ADAR: variants seen among roughly 807,000 people sequenced by gnomAD.
ADAR encodes adenosine deaminase RNA specific.
ADAR carries 41 observed loss-of-function variants against 113.2 expected under a neutral mutation model. The observed-to-expected ratio is 0.36, with a 90% CI of 0.28 to 0.47. ADAR has a LOEUF of 0.47. Ranked by LOEUF, ADAR falls within the 20% of genes least tolerant of loss-of-function variation. The pLI, the probability that ADAR is intolerant of heterozygous loss-of-function variation, is 1.00. For missense variants in ADAR, 1,242 were observed against 1,540.9 expected, an observed-to-expected ratio of 0.81 and a Z score of 3.25; for synonymous variants, 605 against 572.6, an observed-to-expected ratio of 1.06 and a Z score of -0.81.
chr1:154,590,501 T>C, intron 6 of ADAR, 92 bp from the exon 7 acceptor site: 2 of 1,219,464 alleles, frequency 1.6e-6, no homozygotes, highest in South Asian at 1.2e-5. Flanking sequence ...TGGCCAGTCT[T>C]GCAAACATAT....
At chr1:154,590,466 G>A in intron 6 of ADAR, 57 bp from the exon 7 acceptor site, 2 of 1,558,640 alleles carry the variant, frequency 1.3e-6, no homozygotes, top group Non-Finnish European at 1.8e-6. Flanking sequence ...ATTGTTCCAA[G>A]GAAGGGTTAG....
At chr1:154,614,959 C>T (rs1469602141) in intron 1 of ADAR, among the ~76,000 whole-genome samples, 3 of 152,204 alleles carry the variant, frequency 2.0e-5, no homozygotes, top group Non-Finnish European at 4.4e-5. Flanking sequence ...CACCTACACA[C>T]ACAGAGGAAA....
At chr1:154,605,487 A>T (rs1181761869) in intron 1 of ADAR, among the ~76,000 whole-genome samples, 2 of 150,582 alleles carry the variant, frequency 1.3e-5, no homozygotes, top group African/African-American at 4.9e-5. Flanking sequence ...AAAGGTAATT[A>T]ACATTAGGTG....
At chr1:154,594,979 T>C (rs1571082525) in intron 6 of ADAR, among the ~76,000 whole-genome samples, 1 of 152,222 alleles carries the variant, frequency 6.6e-6, no homozygotes, top group Non-Finnish European at 1.5e-5. Flanking sequence ...CAGTGTTTTG[T>C]TCAATGATAA....
chr1:154,613,960 G>C (rs1426869711), intron 1 of ADAR, among the ~76,000 whole-genome samples: 1 of 149,336 alleles, frequency 6.7e-6, no homozygotes, highest in Non-Finnish European at 1.5e-5. Flanking sequence ...AAGAAAAAGA[G>C]GTCTCCAAAA....
chr1:154,615,179 G>A (rs1273662494), intron 1 of ADAR, among the ~76,000 whole-genome samples: 1 of 152,196 alleles, frequency 6.6e-6, no homozygotes, highest in Non-Finnish European at 1.5e-5. Flanking sequence ...AGCACTGTCA[G>A]ATAATAAATT....
chr1:154,598,051 G>GAATAAA, intron 3 of ADAR, 75 bp from the exon 4 acceptor site: 1 of 1,521,388 alleles, frequency 6.6e-7, no homozygotes. Flanking sequence ...GAAGGGATGG[G>GAATAAA]GATGGGGGAC....
At chr1:154,589,329 C>T in intron 9 of ADAR, 40 bp downstream of exon 9, 1 of 1,555,944 alleles carries the variant, frequency 6.4e-7, no homozygotes, top group Non-Finnish European at 8.9e-7. Flanking sequence ...TGGAGCTCTC[C>T]ACAGCCGGGC....
chr1:154,599,441 A>G (rs1697718973), intron 2 of ADAR, among the ~76,000 whole-genome samples: 1 of 152,242 alleles, frequency 6.6e-6, no homozygotes, highest in Non-Finnish European at 1.5e-5. Context: ...GAGGCAAAAG[A>G]GAATGACGGC....
chr1:154,613,215 T>C, intron 1 of ADAR, among the ~76,000 whole-genome samples: 1 of 151,744 alleles, frequency 6.6e-6, no homozygotes, highest in East Asian at 1.9e-4. Flanking sequence ...CCCAACTGGC[T>C]GAGTAGTGCT....
intron 4 of ADAR, 94 bp from the exon 5 acceptor site, chr1:154,597,361 A>C: frequency 6.9e-7 from 1 of 1,451,296 alleles, no homozygotes; most frequent in Non-Finnish European, 9.5e-7. Flanking sequence ...CACTACTGGT[A>C]ATTTCCTTGA....
chr1:154,588,317 C>A, intron 10 of ADAR, 59 bp from the exon 11 acceptor site: 3 of 1,612,484 alleles, frequency 1.9e-6, no homozygotes, highest in Non-Finnish European at 2.5e-6. Context: ...TTTCGTGGGG[C>A]TCCAAAACAG....
At chr1:154,587,463 T>A (rs1436058780) in intron 11 of ADAR, among the ~76,000 whole-genome samples, 6 of 152,170 alleles carry the variant, frequency 3.9e-5, no homozygotes, top group African/African-American at 9.7e-5. Flanking sequence ...AACATTCACA[T>A]ATTAGTTTCC....
intron 1 of ADAR, among the ~76,000 whole-genome samples, chr1:154,623,587 C>T (rs1557906781): frequency 6.6e-6 from 1 of 152,154 alleles, no homozygotes; most frequent in Non-Finnish European, 1.5e-5. Context: ...ATGATGTAGA[C>T]CTCTCCAATT....
At chr1:154,627,406 T>A (rs1184338936) in intron 1 of ADAR, among the ~76,000 whole-genome samples, 13 of 152,142 alleles carry the variant, frequency 8.5e-5, no homozygotes, top group African/African-American at 2.9e-4. Context: ...TAACGCAGTT[T>A]GTGGTAGAAG....
In ADAR at chr1:154,585,743, G is replaced by C; in HGVS notation, c.3315+10C>G. ...AAAATGTCAGGGAAAATAGAAGGGG[G>C]TTATAGCACCTTGGGGTGGTTGACA... is the stretch of plus-strand genomic sequence containing the variant. On this transcript the variant is annotated intron_variant, in intron 13 of 14. Coordinates refer to ENST00000368474, the MANE Select transcript of ADAR (RefSeq NM_001111.5). 1 of 1,603,458 alleles carries C rather than the reference G, an allele frequency of 6.2e-7. No individual in the cohort carries two copies.
chr1:154,585,060 A>G lies in ADAR; in HGVS notation c.3444-17T>C, dbSNP rs768458733. 1 of 1,613,076 alleles carries G rather than the reference A, an allele frequency of 6.2e-7. No homozygotes were observed. The highest frequency in any genetic ancestry group is 8.5e-7 in the Non-Finnish European group (1 of 1,179,414). On this transcript the variant is annotated splice_polypyrimidine_tract_variant and intron_variant, in intron 14 of 14. Coordinates refer to ENST00000368474, the MANE Select transcript of ADAR (RefSeq NM_001111.5). Reference sequence around the variant, plus strand: ...TTCCGTGGCCTAGAGAAACAAAAGCACTCATTATTCACCTGGGACCTGTAA... The same window carrying G: ...TTCCGTGGCCTAGAGAAACAAAAGCGCTCATTATTCACCTGGGACCTGTAA...
chr1:154,590,367 G>T lies in ADAR; in HGVS notation c.2313C>A (p.Ala771=). ...QAKVGGRWFP[A]VCAHSKKQGK... is the part of the protein sequence containing the mutation. Reference sequence around the variant, plus strand: ...CTTGCTTCTTGCTGTGTGCGCAGACGGCTGGGAACCAGCGACCCCCAACTT... The same window carrying T: ...CTTGCTTCTTGCTGTGTGCGCAGACTGCTGGGAACCAGCGACCCCCAACTT... Residue 771 remains alanine (A), a synonymous_variant, in exon 7 of 15, where the codon GCC becomes GCA. Coordinates refer to ENST00000368474, the MANE Select transcript of ADAR (RefSeq NM_001111.5). 3 of 1,614,068 alleles carry T rather than the reference G, an allele frequency of 1.9e-6. No individual in the cohort carries two copies. Among genetic ancestry groups the T allele is most frequent in the Non-Finnish European group, 2.5e-6 (3 of 1,180,038 alleles).
chr1:154,600,631 G>A (rs1212444893), intron 2 of ADAR: 8 of 265,718 alleles, frequency 3.0e-5, no homozygotes, highest in East Asian at 1.9e-4. Context: ...ACGCCACCAC[G>A]CCCAGCTAAT....
Sources: gnomAD v4.1 joint callset for allele counts (sites outside exome capture counted in the v4.1 genomes callset) on GRCh38, gnomAD v4.1.1 for gene constraint, MANE v1.5 for transcripts, NCBI Gene and HGNC (gene_info 2026-07-23, HGNC 2026-07-21) for gene names.